EIF3D: variants seen among roughly 807,000 people sequenced by gnomAD.
The protein encoded by EIF3D is eIF3 p66.
Under a neutral mutation model 75.4 loss-of-function variants are expected in EIF3D, and 10 were observed. The ratio of observed to expected loss-of-function variants is 0.13; its 90% CI spans 0.08 to 0.22. The LOEUF (loss-of-function observed/expected upper bound fraction) is 0.22, where lower values mean the gene tolerates loss of function less well. Among genes scored for constraint, EIF3D ranks in the 10% least tolerant of loss-of-function variants. The probability of loss-of-function intolerance (pLI) is 1.00; values close to 1 mark genes in which losing one functional copy is unlikely to be tolerated. For synonymous variants in EIF3D, 246 were observed against 248.3 expected, an observed-to-expected ratio of 0.99 and a Z score of 0.09; for missense variants, 394 against 708.0, an observed-to-expected ratio of 0.56 and a Z score of 5.03.
chr22:36,511,106 C>T, intron 14 of EIF3D, 106 bp from the exon 15 acceptor site: 1 of 1,376,922 alleles, frequency 7.3e-7, no homozygotes, highest in Non-Finnish European at 9.8e-7. Flanking sequence ...TCAACACTTC[C>T]ATTCCGAAGT....
intron 9 of EIF3D, 112 bp from the exon 10 acceptor site, chr22:36,517,543 A>G (rs1315165950): frequency 7.6e-7 from 1 of 1,308,650 alleles, no homozygotes; most frequent in Admixed American, 3.3e-5. Flanking sequence ...CCTTCAAAGA[A>G]CTGCCCTCTC....
Position 36,524,677 on chromosome 22 carries a change from C to T in EIF3D, c.225G>A (p.Glu75=). 2 of 1,614,198 alleles carry T rather than the reference C, an allele frequency of 1.2e-6. No individual in the cohort carries two copies. The highest frequency in any genetic ancestry group is 1.1e-5 in the South Asian group (1 of 91,088). ...GGSQYAYFHE[E]DESSFQLVDT... is the part of the protein sequence containing the mutation. ...CCACCAGCTGGAAGCTACTTTCATC[C>T]TCCTCATGGAAATAAGCATATTGAC... The change falls in exon 4 of 15, where the codon GAG becomes GAA. Residue 75 remains glutamate (E), a synonymous_variant. Transcript: ENST00000216190.
chr22:36,517,979 T>C (rs1448941583), intron 9 of EIF3D, among the ~76,000 whole-genome samples: 1 of 152,066 alleles, frequency 6.6e-6, no homozygotes, highest in East Asian at 1.9e-4. Flanking sequence ...GATCTCCTGA[T>C]GTCAAGTGAT....
chr22:36,517,609 C>A, intron 9 of EIF3D, 178 bp from the exon 10 acceptor site: 1 of 570,468 alleles, frequency 1.8e-6, no homozygotes, highest in South Asian at 2.6e-5. Flanking sequence ...GGCAGCTGCT[C>A]CAGGATAACT....
chr22:36,524,142 A>G (rs879030014), intron 4 of EIF3D, among the ~76,000 whole-genome samples, 162 bp from the exon 5 acceptor site: 4 of 152,124 alleles, frequency 2.6e-5, no homozygotes, highest in Non-Finnish European at 5.9e-5. Flanking sequence ...TGGGGGTGTT[A>G]GGGGGTAAGT....
At chr22:36,524,183 T>C (rs1310479839) in intron 4 of EIF3D, among the ~76,000 whole-genome samples, 2 of 152,150 alleles carry the variant, frequency 1.3e-5, no homozygotes, top group South Asian at 2.1e-4. Flanking sequence ...TATACTCCCA[T>C]GATATATTTT....
chr22:36,512,693 TGCTTGCTTAGAAAGTGG>T, intron 12 of EIF3D, 91 bp from the exon 13 acceptor site: 2 of 1,464,804 alleles, frequency 1.4e-6, no homozygotes, highest in East Asian at 4.7e-5. Flanking sequence ...CTCCCTAGTC[TGCTTGCTTAGAAAGTGG>T]GTAGGTACGC....
intron 8 of EIF3D, 59 bp downstream of exon 8, chr22:36,519,346 A>C: frequency 6.2e-7 from 1 of 1,605,232 alleles, no homozygotes; most frequent in African/African-American, 1.3e-5. Context: ...CTGCAGCTTC[A>C]GCTGTAGAAG....
At position 36,514,286 on chromosome 22, in the gene EIF3D, T is replaced by C. The variant is rs118154527; in HGVS notation, c.1207-1684A>G. On this transcript the variant is annotated intron_variant, in intron 12 of 14. Coordinates refer to ENST00000216190, the MANE Select transcript of EIF3D (RefSeq NM_003753.4). ...TGAGAAATCATTTTCAAAGAGTTCATGGTTGAGGCCTGGGATGGGCAGAAT... is the reference window on the plus strand; with the variant it reads ...TGAGAAATCATTTTCAAAGAGTTCACGGTTGAGGCCTGGGATGGGCAGAAT... Among the ~76,000 whole-genome samples the C allele has an allele frequency of 3.3e-3, 510 of 152,292 alleles. 3 individuals are homozygous for C. The Middle Eastern group carries it at 0.034, about 10-fold the overall frequency.
Position 36,516,717 on chromosome 22 carries a change from G to C in EIF3D, c.1064C>G (p.Ser355Cys). 4 of 1,614,252 alleles carry C rather than the reference G, an allele frequency of 2.5e-6. No homozygotes were observed. The highest frequency in any genetic ancestry group is 3.4e-6 in the Non-Finnish European group (4 of 1,180,052). Reference sequence around the variant, plus strand: ...AGAGGTGACCTACCGGTACGCAACAGAGGCGATTTCATTCTTATCCATGTC... The same window carrying C: ...AGAGGTGACCTACCGGTACGCAACACAGGCGATTTCATTCTTATCCATGTC... ...EDDMDKNEIA[S>C]VAYRYRRWKL... The change falls in exon 11 of 15, where the codon TCT becomes TGT. Residue 355 changes from serine (S) to cysteine (C), a missense_variant. By Grantham distance (112) the Ser-to-Cys change is moderately radical. Coordinates refer to ENST00000216190, the MANE Select transcript of EIF3D (RefSeq NM_003753.4).
In EIF3D at chr22:36,519,451, C is replaced by T. The variant is rs867464440; in HGVS notation, c.665G>A (p.Arg222His). The T allele has an allele frequency of 4.3e-6, 7 of 1,614,040 alleles. No individual in the cohort carries two copies. The highest frequency in any genetic ancestry group is 2.2e-5 in the East Asian group (1 of 44,900). ...RSEKPLRSIK[R>H]IFHTVTTTDD... ...TGTGGTGGTGACAGTGTGGAAGATG[C>T]GCTTGATGCTCCGCAGTGGCTTCTC... is the stretch of plus-strand genomic sequence containing the variant. Residue 222 changes from arginine (R) to histidine (H), a missense_variant, in exon 8 of 15, where the codon CGC (arginine) becomes CAC (histidine). By Grantham distance (29) the Arg-to-His change is conservative. Transcript: ENST00000216190.
intron 12 of EIF3D, chr22:36,516,257 GTTC>G: frequency 4.1e-6 from 2 of 492,772 alleles, no homozygotes; most frequent in South Asian, 7.4e-5. Flanking sequence ...AAGCAGAAAA[GTTC>G]TTAACACTTA....
intron 6 of EIF3D, among the ~76,000 whole-genome samples, chr22:36,521,953 A>G (rs919089839): frequency 1.3e-5 from 2 of 152,098 alleles, no homozygotes; most frequent in South Asian, 4.1e-4. Context: ...AACAAAAAAC[A>G]AAAACCAAAA....
At chr22:36,524,523 G>C in intron 4 of EIF3D, 73 bp downstream of exon 4, 1 of 1,600,494 alleles carries the variant, frequency 6.2e-7, no homozygotes, top group South Asian at 1.1e-5. Context: ...GGAGTCACAA[G>C]GTAGCATTTT....
Position 36,524,759 on chromosome 22 carries a change from T to C in EIF3D, c.170-27A>G, listed in dbSNP as rs77128706. 10,447 of 1,614,098 alleles carry C rather than the reference T, an allele frequency of 6.5e-3. 564 individuals carry two copies. The African/African-American group carries it at 0.12, about 19-fold the overall frequency. The stretch of plus-strand genomic sequence containing the variant: ...TGGAGGCAAAGGTGATGGCATGTAG[T>C]AACTGCACCCACAGACTTTACCAGA... On this transcript the variant is annotated intron_variant, in intron 3 of 14. Coordinates refer to ENST00000216190, the MANE Select transcript of EIF3D (RefSeq NM_003753.4).
chr22:36,525,905 G>T, intron 2 of EIF3D, 94 bp downstream of exon 2: 1 of 1,519,756 alleles, frequency 6.6e-7, no homozygotes, highest in Non-Finnish European at 8.8e-7. Context: ...AAGAAATTCA[G>T]GAGTTAAGAT....
intron 13 of EIF3D, among the ~76,000 whole-genome samples, 156 bp from the exon 14 acceptor site, chr22:36,511,942 G>C (rs1204854408): frequency 6.6e-6 from 1 of 150,954 alleles, no homozygotes; most frequent in Non-Finnish European, 1.5e-5. Flanking sequence ...CCAGGCTGGA[G>C]TGCAGTGGCG....
At chr22:36,527,806 C>CA (rs1302197973) in intron 1 of EIF3D, among the ~76,000 whole-genome samples, 1 of 151,898 alleles carries the variant, frequency 6.6e-6, no homozygotes, top group East Asian at 1.9e-4. Flanking sequence ...GACTCCGTCT[C>CA]AAAAAAACAA....
At chr22:36,517,527 G>T in intron 9 of EIF3D, 96 bp from the exon 10 acceptor site, 1 of 1,404,562 alleles carries the variant, frequency 7.1e-7, no homozygotes, top group Non-Finnish European at 9.4e-7. Flanking sequence ...AACAACACAA[G>T]TCCTTCCTTC....
Sources: allele counts gnomAD v4.1 joint callset (sites outside exome capture counted in the v4.1 genomes callset), GRCh38; gene constraint gnomAD v4.1.1; transcripts MANE v1.5; gene names NCBI Gene and HGNC (gene_info 2026-07-23, HGNC 2026-07-21).